The following TOX variants were observed in gnomAD, a reference collection of about 807,000 sequenced individuals.
TOX encodes thymocyte selection associated high mobility group box.
Under a neutral mutation model 53.7 loss-of-function variants are expected in TOX, and 11 were observed. The ratio of observed to expected loss-of-function variants is 0.20; its 90% CI spans 0.13 to 0.34. The LOEUF (loss-of-function observed/expected upper bound fraction) is 0.34. Among genes scored for constraint, TOX ranks in the 10% least tolerant of loss-of-function variants. TOX has a pLI of 1.00. For missense variants in TOX, 570 were observed against 664.6 expected (o/e 0.86, Z 1.56); for synonymous variants, 225 against 245.3 (o/e 0.92, Z 0.77).
chr8:59,111,136 A>G (rs1188659711), intron 1 of TOX, among the ~76,000 whole-genome samples: 1 of 152,180 alleles, frequency 6.6e-6, no homozygotes, highest in Admixed American at 6.5e-5. Flanking sequence ...TCTCAAGAGA[A>G]TGGGAAACAG....
chr8:59,102,897 C>G (rs1586020866), intron 1 of TOX, among the ~76,000 whole-genome samples: 1 of 152,250 alleles, frequency 6.6e-6, no homozygotes, highest in South Asian at 2.1e-4. Flanking sequence ...CACTTCACCC[C>G]CAAACTATCA....
At chr8:58,903,271 T>C (rs1266763736) in intron 3 of TOX, among the ~76,000 whole-genome samples, 2 of 152,166 alleles carry the variant, frequency 1.3e-5, no homozygotes, top group East Asian at 3.9e-4. Context: ...ATATTACAAA[T>C]GTGTAGTGGA....
intron 2 of TOX, among the ~76,000 whole-genome samples, chr8:58,940,256 AAGACAAAAT>A (rs1812414768): frequency 6.6e-6 from 1 of 152,144 alleles, no homozygotes; most frequent in South Asian, 2.1e-4. Flanking sequence ...TCCATTTTGA[AAGACAAAAT>A]AGTACTAATA....
At chr8:58,964,950 ACT>A (rs1812867114) in intron 1 of TOX, among the ~76,000 whole-genome samples, 1 of 151,912 alleles carries the variant, frequency 6.6e-6, no homozygotes, top group Non-Finnish European at 1.5e-5. Context: ...ACCCCACTTC[ACT>A]CTACCTGGAT....
At chr8:58,829,134 T>G (rs1810411452) in intron 5 of TOX, among the ~76,000 whole-genome samples, 1 of 152,164 alleles carries the variant, frequency 6.6e-6, no homozygotes, top group Non-Finnish European at 1.5e-5. Context: ...CATTTTTCTT[T>G]CATTGGTTTC....
chr8:58,998,534 T>TATA (rs1554537352), intron 1 of TOX, among the ~76,000 whole-genome samples: 324 of 18,016 alleles, frequency 0.018, 1 homozygote, highest in Non-Finnish European at 0.027. Context: ...TATATATATA[T>TATA]ATATAAATTT....
At chr8:59,029,383 C>A (rs1814311064) in intron 1 of TOX, among the ~76,000 whole-genome samples, 1 of 152,106 alleles carries the variant, frequency 6.6e-6, no homozygotes, top group Non-Finnish European at 1.5e-5. Flanking sequence ...GATTAAATAT[C>A]CCTAACAGGG....
chr8:58,951,784 G>A (rs2129177649), intron 2 of TOX, among the ~76,000 whole-genome samples: 1 of 152,300 alleles, frequency 6.6e-6, no homozygotes, highest in East Asian at 1.9e-4. Flanking sequence ...ATAATCTGAT[G>A]CTGGGCCTTG....
chr8:59,037,111 C>A (rs369804004), intron 1 of TOX, among the ~76,000 whole-genome samples: 2 of 150,580 alleles, frequency 1.3e-5, no homozygotes, highest in Non-Finnish European at 2.9e-5. Context: ...ATCCAGATGG[C>A]GTTTGTATTG....
At chr8:58,874,196 T>C (rs1811246838) in intron 3 of TOX, among the ~76,000 whole-genome samples, 2 of 151,814 alleles carry the variant, frequency 1.3e-5, no homozygotes, top group Non-Finnish European at 2.9e-5. Flanking sequence ...ATCCATATTT[T>C]TACTCTCTCT....
rs200098008 is a variant in TOX, at chr8:59,027,449, G to GGT, written c.103-67443_103-67442dup. ...ATGGGTCCTTATGTCATAGGAACAAGGTTTTTTTTTTTAAATTTTTCAATG... is the reference window on the plus strand; with the variant it reads ...ATGGGTCCTTATGTCATAGGAACAAGGTGTTTTTTTTTTTAAATTTTTCAATG... On this transcript the variant is annotated intron_variant, in intron 1 of 8. Transcript: ENST00000361421. Among the ~76,000 whole-genome samples, 46 of 35,364 alleles carry GGT rather than the reference G, an allele frequency of 1.3e-3. No homozygotes were observed. The East Asian group carries it at 0.11, about 82-fold the overall frequency. 23.2% of individuals were successfully genotyped at this position (35,364 alleles called of 152,430 possible).
chr8:58,981,269 TACC>T (rs1813201348), intron 1 of TOX, among the ~76,000 whole-genome samples: 2 of 152,158 alleles, frequency 1.3e-5, no homozygotes, highest in South Asian at 2.1e-4. Flanking sequence ...CCTTCCCAAT[TACC>T]TTTAATCCCT....
At chr8:58,967,559 T>C (rs1812927385) in intron 1 of TOX, among the ~76,000 whole-genome samples, 1 of 152,038 alleles carries the variant, frequency 6.6e-6, no homozygotes, top group Non-Finnish European at 1.5e-5. Flanking sequence ...ACAGCAGCAA[T>C]TTATATAGAT....
At chr8:59,035,870 T>C (rs564282632) in intron 1 of TOX, among the ~76,000 whole-genome samples, 2 of 152,358 alleles carry the variant, frequency 1.3e-5, no homozygotes, top group East Asian at 3.9e-4. Flanking sequence ...GAGGGCACTG[T>C]TCTAATTGTT....
intron 1 of TOX, among the ~76,000 whole-genome samples, chr8:58,998,858 G>A (rs1375927656): frequency 3.3e-5 from 5 of 152,046 alleles, no homozygotes; most frequent in Admixed American, 6.5e-5. Flanking sequence ...ACAGGTATGA[G>A]TGCAAAACAT....
At chr8:58,915,522 A>G (rs985334851) in intron 3 of TOX, among the ~76,000 whole-genome samples, 2 of 120,042 alleles carry the variant, frequency 1.7e-5, no homozygotes, top group Non-Finnish European at 3.5e-5. Flanking sequence ...TAACAACCAG[A>G]AAGGACATCT....
intron 1 of TOX, among the ~76,000 whole-genome samples, chr8:58,995,385 T>C (rs1387795433): frequency 6.6e-6 from 1 of 152,232 alleles, no homozygotes; most frequent in East Asian, 1.9e-4. Context: ...CAAATTTCTT[T>C]TGATTTTATT....
chr8:58,938,822 T>A (rs892224869), intron 3 of TOX, among the ~76,000 whole-genome samples: 9 of 152,160 alleles, frequency 5.9e-5, no homozygotes, highest in Admixed American at 2.6e-4. Flanking sequence ...GAATTATACC[T>A]CCAAAATAAA....
intron 3 of TOX, among the ~76,000 whole-genome samples, chr8:58,923,963 A>T (rs1431243067): frequency 6.6e-6 from 1 of 152,212 alleles, no homozygotes; most frequent in African/African-American, 2.4e-5. Flanking sequence ...CAAAGAGAAG[A>T]ACTGGGGTTC....
Sources: allele counts gnomAD v4.1 joint callset (sites outside exome capture counted in the v4.1 genomes callset), GRCh38; gene constraint gnomAD v4.1.1; transcripts MANE v1.5; gene names NCBI Gene and HGNC (gene_info 2026-07-23, HGNC 2026-07-21).